Variants in RBMS3 observed in about 807,000 individuals in gnomAD.
The protein encoded by RBMS3 is RNA binding motif single stranded interacting protein 3.
A neutral mutation model predicts 66.8 loss-of-function variants in RBMS3; 27 were observed. The ratio of observed to expected loss-of-function variants is 0.40; its 90% CI spans 0.30 to 0.56. The LOEUF is 0.56. Ranked by LOEUF, RBMS3 falls within the 20% of genes least tolerant of loss-of-function variation. The pLI, the probability that RBMS3 is intolerant of heterozygous loss-of-function variation, is 0.40. For missense variants in RBMS3, 513 were observed against 549.5 expected, an observed-to-expected ratio of 0.93 and a Z score of 0.66; for synonymous variants, 188 against 183.0, an observed-to-expected ratio of 1.03 and a Z score of -0.22.
chr3:29,463,616 A>G (rs1488680840), intron 2 of RBMS3, among the ~76,000 whole-genome samples: 11 of 37,134 alleles, frequency 3.0e-4, no homozygotes, highest in Non-Finnish European at 5.8e-4. Context: ...GGTTAGTTGA[A>G]AAAAAAAAAA....
intron 4 of RBMS3, among the ~76,000 whole-genome samples, chr3:29,734,417 A>G (rs573756141): frequency 1.3e-5 from 2 of 152,288 alleles, no homozygotes; most frequent in Admixed American, 6.5e-5. Context: ...TTCCCAACAC[A>G]AAGAAATAAT....
chr3:29,517,364 C>T (rs1212561088), intron 3 of RBMS3, among the ~76,000 whole-genome samples: 1 of 149,080 alleles, frequency 6.7e-6, no homozygotes, highest in East Asian at 2.0e-4. Flanking sequence ...GCTCTGTTGC[C>T]CAGGCTGGAG....
chr3:29,912,924 T>G (rs2060551080), intron 10 of RBMS3, among the ~76,000 whole-genome samples: 1 of 151,934 alleles, frequency 6.6e-6, no homozygotes, highest in Admixed American at 6.6e-5. Flanking sequence ...GTGCCAGAAT[T>G]TTCCTTAATA....
At chr3:29,948,677 C>T (rs753599808) in intron 12 of RBMS3, among the ~76,000 whole-genome samples, 35 of 151,822 alleles carry the variant, frequency 2.3e-4, no homozygotes, top group Non-Finnish European at 4.9e-4. Flanking sequence ...ACAAGCCACA[C>T]GTGAAAATCA....
At chr3:29,738,465 T>C (rs1352463371) in intron 4 of RBMS3, among the ~76,000 whole-genome samples, 4 of 152,182 alleles carry the variant, frequency 2.6e-5, no homozygotes, top group Non-Finnish European at 4.4e-5. Context: ...AAATTATTAA[T>C]TCATTATATA....
chr3:29,988,807 G>A (rs1490319733), intron 13 of RBMS3, among the ~76,000 whole-genome samples: 1 of 152,098 alleles, frequency 6.6e-6, no homozygotes, highest in Admixed American at 6.5e-5. Context: ...AAGAAATGTA[G>A]ACTTTTAGGT....
chr3:29,722,445 A>G (rs2053681238), intron 4 of RBMS3, among the ~76,000 whole-genome samples: 1 of 152,146 alleles, frequency 6.6e-6, no homozygotes, highest in Non-Finnish European at 1.5e-5. Flanking sequence ...ACAACAGTGG[A>G]ATAATCAACA....
At chr3:29,856,152 C>A (rs2059070767) in intron 6 of RBMS3, among the ~76,000 whole-genome samples, 3 of 152,172 alleles carry the variant, frequency 2.0e-5, no homozygotes, top group Admixed American at 2.0e-4. Flanking sequence ...ATTACTTAGT[C>A]TTTCATGAAT....
At chr3:29,358,285 C>T (rs2037350247) in intron 1 of RBMS3, among the ~76,000 whole-genome samples, 1 of 152,140 alleles carries the variant, frequency 6.6e-6, no homozygotes, top group Non-Finnish European at 1.5e-5. Context: ...TTTCCCAGCA[C>T]CATTTGTTAA....
At chr3:29,999,113 G>T (rs957132896) in intron 14 of RBMS3, among the ~76,000 whole-genome samples, 13 of 151,438 alleles carry the variant, frequency 8.6e-5, no homozygotes, top group Non-Finnish European at 1.9e-4. Context: ...AATATGATCA[G>T]ACACTTCTCA....
chr3:29,504,022 G>T (rs1315001710), intron 3 of RBMS3, among the ~76,000 whole-genome samples: 1 of 152,116 alleles, frequency 6.6e-6, no homozygotes. Context: ...GTTTGTAGAT[G>T]ATTGTGTTCA....
chr3:29,790,075 A>T (rs979649897), intron 6 of RBMS3, among the ~76,000 whole-genome samples: 1 of 152,160 alleles, frequency 6.6e-6, no homozygotes, highest in Non-Finnish European at 1.5e-5. Flanking sequence ...AGCTAAGACA[A>T]TCCAAACATC....
chr3:29,332,690 C>A (rs2035732738), intron 1 of RBMS3, among the ~76,000 whole-genome samples: 1 of 152,108 alleles, frequency 6.6e-6, no homozygotes, highest in South Asian at 2.1e-4. Flanking sequence ...ATATTTGGTG[C>A]TCCTCAAGTT....
chr3:29,741,027 C>A (rs1464595276), intron 5 of RBMS3, among the ~76,000 whole-genome samples: 1 of 145,318 alleles, frequency 6.9e-6, no homozygotes, highest in Middle Eastern at 3.7e-3. Flanking sequence ...GGCAACACAG[C>A]GAGACTCCAT....
Position 29,980,769 on chromosome 3 carries a change from T to C in RBMS3, c.1099-7374T>C, listed in dbSNP as rs115285761. 6.3e-3 allele frequency among the ~76,000 whole-genome samples: 953 copies of C among 152,308 alleles called. 9 individuals are homozygous for C. Among genetic ancestry groups the C allele is most frequent in the African/African-American group, 0.022 (909 of 41,554 alleles). Reference sequence around the variant, plus strand: ...ATGTATGGCATATTTCTGAGGCCTCTGTTCTTTTCCCTTGGTCTATGTATC... The same window carrying C: ...ATGTATGGCATATTTCTGAGGCCTCCGTTCTTTTCCCTTGGTCTATGTATC... On this transcript the variant is annotated intron_variant, in intron 12 of 14. Coordinates refer to ENST00000383767, the MANE Select transcript of RBMS3 (RefSeq NM_001003793.3).
intron 5 of RBMS3, among the ~76,000 whole-genome samples, chr3:29,740,338 C>T (rs925830087): frequency 6.6e-6 from 1 of 151,994 alleles, no homozygotes. Context: ...TTTAGAGAAA[C>T]AGGAATTACT....
At chr3:29,465,746 C>A (rs1575898340) in intron 2 of RBMS3, among the ~76,000 whole-genome samples, 1 of 152,230 alleles carries the variant, frequency 6.6e-6, no homozygotes, top group Non-Finnish European at 1.5e-5. Flanking sequence ...GCAAATAGTT[C>A]ATAGTATTGA....
chr3:29,767,081 A>G (rs573785300), intron 6 of RBMS3: 2 of 152,050 alleles, frequency 1.3e-5, no homozygotes, highest in Non-Finnish European at 2.9e-5. Flanking sequence ...GTATAGCCCC[A>G]AAGTGTTCCA....
At chr3:29,412,416 C>T (rs1296184150) in intron 1 of RBMS3, among the ~76,000 whole-genome samples, 1 of 151,958 alleles carries the variant, frequency 6.6e-6, no homozygotes, top group Admixed American at 6.6e-5. Context: ...TTTGTTCTTA[C>T]CACAGCCCCA....
Sources: allele counts gnomAD v4.1 joint callset (sites outside exome capture counted in the v4.1 genomes callset), GRCh38; gene constraint gnomAD v4.1.1; transcripts MANE v1.5; gene names NCBI Gene and HGNC (gene_info 2026-07-23, HGNC 2026-07-21).